Variants in CDH18 observed in about 807,000 individuals in gnomAD.
CDH18 encodes cadherin 18, also known as cadherin-18.
CDH18 carries 31 observed loss-of-function variants against 67.9 expected under a neutral mutation model. The observed-to-expected ratio is 0.46, with a 90% confidence interval of 0.34 to 0.62. The LOEUF (loss-of-function observed/expected upper bound fraction) is 0.62. Among genes scored for constraint, CDH18 ranks in the 20% least tolerant of loss-of-function variants. CDH18 has a pLI of 0.01. For synonymous variants in CDH18, 362 were observed against 347.2 expected, an observed-to-expected ratio of 1.04 and a Z score of -0.48; for missense variants, 890 against 975.5, an observed-to-expected ratio of 0.91 and a Z score of 1.17.
intron 5 of CDH18, among the ~76,000 whole-genome samples, chr5:19,682,632 T>A (rs749359775): frequency 6.6e-6 from 1 of 152,096 alleles, no homozygotes; most frequent in South Asian, 2.1e-4. Context: ...TCTCTTTCAC[T>A]CTTTGTGAGT....
intron 2 of CDH18, among the ~76,000 whole-genome samples, chr5:20,195,731 T>C (rs938435033): frequency 2.0e-5 from 3 of 152,084 alleles, no homozygotes; most frequent in Non-Finnish European, 4.4e-5. Context: ...AATATATAGA[T>C]TGCAATTCAA....
intron 5 of CDH18, among the ~76,000 whole-genome samples, chr5:19,720,381 G>C (rs964059902): frequency 2.0e-5 from 3 of 152,068 alleles, no homozygotes; most frequent in Non-Finnish European, 4.4e-5. Context: ...AAGGATGTAT[G>C]GTGCTGCTGG....
intron 2 of CDH18, among the ~76,000 whole-genome samples, chr5:20,204,019 G>A (rs1042333553): frequency 1.3e-5 from 2 of 151,936 alleles, no homozygotes; most frequent in Admixed American, 1.3e-4. Flanking sequence ...TATCTGAAAA[G>A]ACAAATATAA....
chr5:19,870,872 C>T (rs1275291657), intron 2 of CDH18, among the ~76,000 whole-genome samples: 1 of 152,110 alleles, frequency 6.6e-6, no homozygotes, highest in Non-Finnish European at 1.5e-5. Context: ...AGTTTGTGGC[C>T]TTCATTGTGA....
chr5:19,923,548 G>GA (rs1422579086), intron 2 of CDH18, among the ~76,000 whole-genome samples: 2 of 152,042 alleles, frequency 1.3e-5, no homozygotes, highest in East Asian at 1.9e-4. Context: ...ATGTGTAGCA[G>GA]AAAAAATGCA....
At chr5:19,935,783 A>G (rs1382064728) in intron 2 of CDH18, among the ~76,000 whole-genome samples, 1 of 148,686 alleles carries the variant, frequency 6.7e-6, no homozygotes, top group Non-Finnish European at 1.5e-5. Context: ...TAGCTTTTAC[A>G]TACAGTCAGG....
At position 20,115,463 on chromosome 5, in the gene CDH18, G is replaced by A. The variant is rs183906619; in HGVS notation, c.-517-123449C>T. 3.3e-5 allele frequency among the ~76,000 whole-genome samples: 5 copies of A among 151,558 alleles called. No individual in the cohort carries two copies. In the East Asian group the frequency reaches 7.8e-4, roughly 24 times the overall value. ...CCAGCTAATTTTTGTACTTTTAGTA[G>A]AGACAGGGTTTCACCATGTTGGCCA... On this transcript the variant is annotated intron_variant, in intron 2 of 14. Transcript: ENST00000507958.
Position 19,473,070 on chromosome 5 carries a change from C to A in CDH18, c.*156G>T, listed in dbSNP as rs1296674887. 4 of 704,916 alleles carry A rather than the reference C, an allele frequency of 5.7e-6. No individual in the cohort carries two copies. In the East Asian group the frequency reaches 1.1e-4, roughly 19 times the overall value. 43.7% of individuals were successfully genotyped at this position (704,916 alleles called of 1,614,324 possible). On this transcript the variant is annotated 3_prime_UTR_variant, in exon 13 of 13. Coordinates refer to ENST00000382275, the MANE Select transcript of CDH18 (RefSeq NM_004934.5). ...TTTACTTTCTTCCAATTAAATAACC[C>A]AGTTTCGATCATGAAAAGGGCACTT...
chr5:20,157,870 G>A (rs1751667901), intron 2 of CDH18, among the ~76,000 whole-genome samples: 1 of 151,980 alleles, frequency 6.6e-6, no homozygotes, highest in Non-Finnish European at 1.5e-5. Context: ...TCGATCTCCT[G>A]ACCTTGTGAT....
chr5:19,691,139 A>C (rs1422407129), intron 5 of CDH18, among the ~76,000 whole-genome samples: 4 of 150,236 alleles, frequency 2.7e-5, no homozygotes, highest in African/African-American at 4.8e-5. Context: ...AAATCAATAA[A>C]TATAATACAT....
intron 5 of CDH18, among the ~76,000 whole-genome samples, chr5:19,667,351 GTAAA>G (rs1000664487): frequency 2.0e-5 from 3 of 151,024 alleles, no homozygotes; most frequent in African/African-American, 7.3e-5. Flanking sequence ...TTATGTGGTA[GTAAA>G]TAAATATAAT....
intron 2 of CDH18, among the ~76,000 whole-genome samples, chr5:19,849,624 AAACATATATATACACGCATATATATAT>A (rs1200019531): frequency 0.076 from 6,518 of 85,682 alleles, 1,051 homozygotes; most frequent in South Asian, 0.2. Context: ...ATATATATAT[AAACATATATATACACGCATATATATAT>A]AAACATATAT....
In CDH18 at chr5:20,375,071, G is replaced by A. The variant is rs537988469; in HGVS notation, c.-579-119566C>T. Among the ~76,000 whole-genome samples the A allele has an allele frequency of 3.9e-5, 6 of 152,058 alleles. No homozygotes were observed. In the East Asian group the frequency reaches 1.2e-3, roughly 29 times the overall value. On this transcript the variant is annotated intron_variant, in intron 1 of 14. Transcript: ENST00000507958. ...ATATGAGGCTTGTGACTCTTATTGG[G>A]CAGTGCATGTCAAATGTCTCACTTT... is the stretch of plus-strand genomic sequence containing the variant.
At chr5:19,572,220 G>A (rs530318159) in intron 7 of CDH18, among the ~76,000 whole-genome samples, 1 of 152,174 alleles carries the variant, frequency 6.6e-6, no homozygotes, top group Non-Finnish European at 1.5e-5. Context: ...AAACTAAGAT[G>A]AACGGATGTA....
At chr5:20,026,205 A>G (rs1268332962) in intron 2 of CDH18, among the ~76,000 whole-genome samples, 1 of 152,200 alleles carries the variant, frequency 6.6e-6, no homozygotes, top group Non-Finnish European at 1.5e-5. Context: ...AATATTGAAG[A>G]AGTTTGTCAT....
chr5:19,845,267 G>C (rs1782799395), intron 2 of CDH18, among the ~76,000 whole-genome samples: 1 of 151,614 alleles, frequency 6.6e-6, no homozygotes, highest in Non-Finnish European at 1.5e-5. Flanking sequence ...TTTTTTCTTT[G>C]ACCCATTGGT....
chr5:19,502,787 G>A (rs1163165651), intron 11 of CDH18: 2 of 555,142 alleles, frequency 3.6e-6, no homozygotes, highest in Non-Finnish European at 6.4e-6. Context: ...TTAAAGAGAT[G>A]CTTCTGAATA....
At chr5:20,170,189 C>A (rs530761865) in intron 2 of CDH18, among the ~76,000 whole-genome samples, 1 of 151,896 alleles carries the variant, frequency 6.6e-6, no homozygotes, top group South Asian at 2.1e-4. Context: ...TACCCCACCC[C>A]CCGACAGGCC....
At chr5:20,201,886 C>T (rs905844575) in intron 2 of CDH18, among the ~76,000 whole-genome samples, 6 of 152,072 alleles carry the variant, frequency 3.9e-5, no homozygotes, top group Admixed American at 6.5e-5. Flanking sequence ...AAAATATCTG[C>T]GAAAGCAGTC....
Sources: allele counts gnomAD v4.1 joint callset (sites outside exome capture counted in the v4.1 genomes callset), GRCh38; gene constraint gnomAD v4.1.1; transcripts MANE v1.5; gene names NCBI Gene and HGNC (gene_info 2026-07-23, HGNC 2026-07-21).